The following P2RY14 variants were observed in gnomAD, a reference collection of about 807,000 sequenced individuals.
P2RY14 encodes the protein purinergic receptor P2Y14.
Under a neutral mutation model 0.9 loss-of-function variants are expected in P2RY14, and 2 were observed. The ratio of observed to expected loss-of-function variants is 2.16; its 90% CI spans 0.88 to 6.79. The LOEUF (loss-of-function observed/expected upper bound fraction) is 6.79, where lower values mean the gene tolerates loss of function less well. Among genes scored for constraint, P2RY14 ranks in the 30% most tolerant of loss-of-function variants. P2RY14 has a pLI of 0.05. For missense variants in P2RY14, 378 were observed against 400.1 expected, an observed-to-expected ratio of 0.94 and a Z score of 0.47; for synonymous variants, 158 against 147.2, an observed-to-expected ratio of 1.07 and a Z score of -0.53.
At chr3:151,273,846 CTGT>C (rs1476137200) in intron 1 of P2RY14, among the ~76,000 whole-genome samples, 2 of 152,304 alleles carry the variant, frequency 1.3e-5, no homozygotes, top group Non-Finnish European at 2.9e-5. Flanking sequence ...GTGATGCAGA[CTGT>C]TGTTTTCAAA....
At chr3:151,216,847 A>G (rs1439220543) in intron 2 of P2RY14, among the ~76,000 whole-genome samples, 1 of 152,142 alleles carries the variant, frequency 6.6e-6, no homozygotes, top group Non-Finnish European at 1.5e-5. Flanking sequence ...GTGGCTGGTA[A>G]CTAATTTGTC....
intron 1 of P2RY14, among the ~76,000 whole-genome samples, chr3:151,225,651 G>A (rs1212720032): frequency 6.6e-6 from 1 of 152,286 alleles, no homozygotes; most frequent in East Asian, 1.9e-4. Flanking sequence ...TCTCATCCGT[G>A]TTCTGCATTC....
chr3:151,265,240 C>T (rs748837927), intron 1 of P2RY14, among the ~76,000 whole-genome samples: 2 of 152,250 alleles, frequency 1.3e-5, no homozygotes, highest in East Asian at 3.9e-4. Context: ...ATATAATGTA[C>T]GATGCTCTAT....
chr3:151,215,988 C>G (rs1295359908), intron 2 of P2RY14, among the ~76,000 whole-genome samples: 1 of 152,188 alleles, frequency 6.6e-6, no homozygotes, highest in East Asian at 1.9e-4. Context: ...TTAGCTGTCA[C>G]TTTCCTTAGG....
chr3:151,257,451 G>A (rs1738038312), intron 1 of P2RY14, among the ~76,000 whole-genome samples: 2 of 152,212 alleles, frequency 1.3e-5, no homozygotes. Context: ...TTACACATTA[G>A]CTTTGTGTCA....
chr3:151,240,439 G>A (rs909542517), intron 1 of P2RY14, among the ~76,000 whole-genome samples: 1 of 152,174 alleles, frequency 6.6e-6, no homozygotes, highest in African/African-American at 2.4e-5. Context: ...TAGCTGCTGC[G>A]TGCCAGGTAC....
At chr3:151,244,618 G>C (rs1734954113) in intron 1 of P2RY14, among the ~76,000 whole-genome samples, 1 of 151,128 alleles carries the variant, frequency 6.6e-6, no homozygotes, top group South Asian at 2.1e-4. Flanking sequence ...ATTCAAAGCA[G>C]TGTGTAGAGG....
intron 1 of P2RY14, among the ~76,000 whole-genome samples, chr3:151,242,977 C>T (rs995083068): frequency 1.6e-4 from 24 of 151,626 alleles, no homozygotes; most frequent in African/African-American, 5.8e-4. Flanking sequence ...ATGCAGAAGC[C>T]TCAGGAGCCC....
At chr3:151,244,881 T>TA (rs1295431127) in intron 1 of P2RY14, among the ~76,000 whole-genome samples, 13 of 150,576 alleles carry the variant, frequency 8.6e-5, no homozygotes, top group African/African-American at 3.2e-4. Flanking sequence ...GCAAGACTAA[T>TA]AAAGAAAAAA....
rs1437439872 is a variant in P2RY14, at chr3:151,213,198, G to C, written c.*102C>G. The C allele has an allele frequency of 2.2e-6, 2 of 890,092 alleles. No individual in the cohort carries two copies. The highest frequency in any genetic ancestry group is 3.5e-6 in the Non-Finnish European group (2 of 577,062). 55.1% of individuals were successfully genotyped at this position (890,092 alleles called of 1,614,324 possible). A position where few individuals can be genotyped will look rare whatever the true frequency, so the allele number is the denominator to read the frequency against. On this transcript the variant is annotated 3_prime_UTR_variant, in exon 3 of 3. Transcript: ENST00000309170. Reference sequence around the variant, plus strand: ...TGAACTAAATTGGATGGCAGTGCTAGAGATGATATTTATGATGAGGGCACA... The same window carrying C: ...TGAACTAAATTGGATGGCAGTGCTACAGATGATATTTATGATGAGGGCACA...
chr3:151,222,541 A>G (rs1920393), intron 1 of P2RY14, among the ~76,000 whole-genome samples: 22,569 of 152,174 alleles, frequency 0.15, 1,802 homozygotes, highest in Middle Eastern at 0.18. Context: ...TGATGGTTTT[A>G]AAAATGGGAG....
intron 1 of P2RY14, among the ~76,000 whole-genome samples, chr3:151,232,345 C>A (rs989803149): frequency 2.0e-5 from 3 of 152,186 alleles, no homozygotes; most frequent in African/African-American, 4.8e-5. Context: ...GCAACCTTGC[C>A]AGCATCTGTT....
chr3:151,230,776 G>C (rs1034033292), intron 1 of P2RY14, among the ~76,000 whole-genome samples: 2 of 152,096 alleles, frequency 1.3e-5, no homozygotes, highest in African/African-American at 4.8e-5. Flanking sequence ...CTGTAAACTT[G>C]CTCAAGCCAT....
intron 1 of P2RY14, among the ~76,000 whole-genome samples, chr3:151,273,806 TG>T (rs2149573515): frequency 6.6e-6 from 1 of 152,302 alleles, no homozygotes; most frequent in Admixed American, 6.5e-5. Context: ...ATTTCTTAAT[TG>T]GGGTAGGAGT....
intron 1 of P2RY14, among the ~76,000 whole-genome samples, chr3:151,262,373 T>C (rs1334038652): frequency 6.6e-6 from 1 of 152,214 alleles, no homozygotes; most frequent in African/African-American, 2.4e-5. Flanking sequence ...GTGGGAAGAA[T>C]TTGCACACTG....
chr3:151,269,764 G>T, intron 1 of P2RY14: 1 of 424,992 alleles, frequency 2.4e-6, no homozygotes, highest in South Asian at 1.8e-5. Context: ...TGAGAGTGGT[G>T]ATCTATTTTT....
intron 1 of P2RY14, among the ~76,000 whole-genome samples, chr3:151,231,134 A>G (rs1457641230): frequency 2.0e-5 from 3 of 152,230 alleles, no homozygotes; most frequent in Admixed American, 6.5e-5. Context: ...TTATGGTGAT[A>G]TTAAAAGTAC....
chr3:151,243,358 G>A (rs1363912940), intron 1 of P2RY14, among the ~76,000 whole-genome samples: 6 of 151,040 alleles, frequency 4.0e-5, no homozygotes, highest in African/African-American at 1.2e-4. Context: ...GTTAAGGGCA[G>A]CCAGAGAGAA....
chr3:151,241,255 C>T (rs529379670), intron 1 of P2RY14, among the ~76,000 whole-genome samples: 8 of 151,978 alleles, frequency 5.3e-5, no homozygotes, highest in Non-Finnish European at 7.4e-5. Flanking sequence ...AATTTTTTAC[C>T]TTCAAAAATG....
Sources: allele counts gnomAD v4.1 joint callset (sites outside exome capture counted in the v4.1 genomes callset), GRCh38; gene constraint gnomAD v4.1.1; transcripts MANE v1.5; gene names NCBI Gene and HGNC (gene_info 2026-07-23, HGNC 2026-07-21).